The following AGBL1 variants were observed in gnomAD, a reference collection of about 807,000 sequenced individuals.
AGBL1 encodes cytosolic carboxypeptidase 4.
AGBL1 carries 130 observed loss-of-function variants against 118.9 expected under a neutral mutation model. The observed-to-expected ratio is 1.09, with a 90% CI of 0.95 to 1.26. AGBL1 has a LOEUF of 1.26. Ranked by LOEUF, AGBL1 falls within the 50% of genes most tolerant of loss-of-function variation. AGBL1 has a pLI of 0.00. For missense variants in AGBL1, 1,584 were observed against 1,298.1 expected (o/e 1.22, Z -3.38); for synonymous variants, 555 against 478.9 (o/e 1.16, Z -2.08).
At chr15:86,702,809 T>C (rs2086382944) in intron 22 of AGBL1, among the ~76,000 whole-genome samples, 1 of 152,208 alleles carries the variant, frequency 6.6e-6, no homozygotes. Context: ...CAGGAGTTTC[T>C]TAGCTTCCCT....
chr15:86,438,657 C>CTTTTTTTTTT (rs35937855), intron 18 of AGBL1, among the ~76,000 whole-genome samples: 8 of 131,620 alleles, frequency 6.1e-5, no homozygotes, highest in Non-Finnish European at 4.8e-5. Context: ...TAATCTGTCT[C>CTTTTTTTTTT]TTTTTTTTTT....
intron 18 of AGBL1, among the ~76,000 whole-genome samples, chr15:86,458,174 G>A (rs1057200247): frequency 3.9e-5 from 6 of 152,014 alleles, no homozygotes; most frequent in African/African-American, 1.4e-4. Context: ...CTGAAGAAAT[G>A]TACAAAAATC....
chr15:87,004,987 T>G (rs1420862364), intron 24 of AGBL1, among the ~76,000 whole-genome samples: 1 of 152,176 alleles, frequency 6.6e-6, no homozygotes, highest in Non-Finnish European at 1.5e-5. Context: ...GGGTTGAAAA[T>G]TATTTTGTTT....
At chr15:86,737,127 C>G (rs1202495445) in intron 22 of AGBL1, among the ~76,000 whole-genome samples, 1 of 152,054 alleles carries the variant, frequency 6.6e-6, no homozygotes, top group Non-Finnish European at 1.5e-5. Context: ...CAAAAACATA[C>G]AGAATATTAT....
At chr15:86,533,406 T>A (rs1160016342) in intron 19 of AGBL1, among the ~76,000 whole-genome samples, 6 of 104,798 alleles carry the variant, frequency 5.7e-5, no homozygotes, top group South Asian at 3.5e-4. Flanking sequence ...TCAAAACCAC[T>A]ATGAGATACC....
rs561726375 is a variant in AGBL1 at position 86,593,048 on chromosome 15, C to A, written c.2994+38511C>A. Among the ~76,000 whole-genome samples the A allele has an allele frequency of 1.3e-4, 20 of 152,270 alleles. No homozygotes were observed. The South Asian group carries it at 4.1e-3, about 32-fold the overall frequency. ...CTTTATCTCTATCCTCTCTCTTGCT[C>A]TCTCTCTGCAGTACGGATTCATGGA... On this transcript the variant is annotated intron_variant, in intron 21 of 22. Transcript: ENST00000614907.
At chr15:86,905,208 C>G (rs770112209) in intron 22 of AGBL1, among the ~76,000 whole-genome samples, 11 of 152,180 alleles carry the variant, frequency 7.2e-5, no homozygotes, top group Admixed American at 2.0e-4. Context: ...GACTTGACAA[C>G]TTGATGCGCG....
intron 23 of AGBL1, among the ~76,000 whole-genome samples, chr15:86,978,796 T>C (rs951660404): frequency 6.6e-6 from 1 of 152,164 alleles, no homozygotes; most frequent in Non-Finnish European, 1.5e-5. Context: ...TGGCAAGATA[T>C]GGAGCCTCTT....
At chr15:86,298,234 G>A (rs1343497975) in intron 17 of AGBL1, among the ~76,000 whole-genome samples, 1 of 67,378 alleles carries the variant, frequency 1.5e-5, no homozygotes, top group Non-Finnish European at 2.9e-5. Context: ...TACAGGGTAC[G>A]TGTCTGTGTA....
At chr15:86,930,827 G>C (rs1360246988) in intron 23 of AGBL1, among the ~76,000 whole-genome samples, 1 of 152,188 alleles carries the variant, frequency 6.6e-6, no homozygotes, top group Non-Finnish European at 1.5e-5. Flanking sequence ...GCACATAAAA[G>C]TAAATGAGCA....
At chr15:86,091,856 G>T (rs1176437792) in intron 1 of AGBL1, among the ~76,000 whole-genome samples, 5 of 151,916 alleles carry the variant, frequency 3.3e-5, no homozygotes, top group African/African-American at 9.7e-5. Context: ...ATCCCAACTT[G>T]GTCTTGGACA....
intron 22 of AGBL1, among the ~76,000 whole-genome samples, chr15:86,702,217 G>C (rs776623070): frequency 3.0e-4 from 45 of 152,114 alleles, no homozygotes; most frequent in Non-Finnish European, 5.4e-4. Context: ...TAGTAAATAA[G>C]CCATGACAAA....
chr15:86,208,975 A>G (rs2078044392), intron 5 of AGBL1, among the ~76,000 whole-genome samples: 1 of 152,166 alleles, frequency 6.6e-6, no homozygotes, highest in African/African-American at 2.4e-5. Flanking sequence ...TTCCCTCTAC[A>G]GACTGCTTTA....
At chr15:86,378,820 TGGA>T (rs2081073227) in intron 17 of AGBL1, among the ~76,000 whole-genome samples, 1 of 151,954 alleles carries the variant, frequency 6.6e-6, no homozygotes. Context: ...TTTCCCAGGT[TGGA>T]GGAGTTCACC....
At chr15:86,121,248 A>G (rs910320343) in intron 1 of AGBL1, among the ~76,000 whole-genome samples, 3 of 152,026 alleles carry the variant, frequency 2.0e-5, no homozygotes, top group Non-Finnish European at 2.9e-5. Context: ...TTTTAGAACA[A>G]TTGAAAATTG....
chr15:86,463,844 C>T (rs2082363575), intron 18 of AGBL1, among the ~76,000 whole-genome samples: 1 of 152,116 alleles, frequency 6.6e-6, no homozygotes, highest in African/African-American at 2.4e-5. Flanking sequence ...TTACTCTAGC[C>T]TTGTAGTATA....
At chr15:86,472,056 A>G (rs1237993709) in intron 18 of AGBL1, among the ~76,000 whole-genome samples, 1 of 152,188 alleles carries the variant, frequency 6.6e-6, no homozygotes, top group Non-Finnish European at 1.5e-5. Context: ...TGAGCCAAGG[A>G]AAGCCTGGAG....
intron 22 of AGBL1, among the ~76,000 whole-genome samples, chr15:86,827,198 T>G (rs1484827862): frequency 6.8e-6 from 1 of 146,700 alleles, no homozygotes. Context: ...CTAAAATGCC[T>G]TCACATTTCT....
chr15:86,507,399 A>G (rs1317824843), intron 18 of AGBL1, among the ~76,000 whole-genome samples: 1 of 152,128 alleles, frequency 6.6e-6, no homozygotes, highest in Non-Finnish European at 1.5e-5. Flanking sequence ...TTCATTCTTT[A>G]TCGATAAGGT....
Sources: gnomAD v4.1 joint callset for allele counts (sites outside exome capture counted in the v4.1 genomes callset) on GRCh38, gnomAD v4.1.1 for gene constraint, MANE v1.5 for transcripts, NCBI Gene and HGNC (gene_info 2026-07-23, HGNC 2026-07-21) for gene names.